TMCC2: variants seen among roughly 807,000 people sequenced by gnomAD.
TMCC2 encodes transmembrane and coiled-coil domains protein 2.
A neutral mutation model predicts 49.4 loss-of-function variants in TMCC2; 16 were observed. The observed-to-expected ratio is 0.32, with a 90% CI of 0.22 to 0.49. TMCC2 has a LOEUF of 0.49. Among genes scored for constraint, TMCC2 ranks in the 20% least tolerant of loss-of-function variants. TMCC2 has a pLI of 0.99. For missense variants in TMCC2, 762 were observed against 989.8 expected, an observed-to-expected ratio of 0.77 and a Z score of 3.09; for synonymous variants, 397 against 434.1, an observed-to-expected ratio of 0.91 and a Z score of 1.06.
intron 2 of TMCC2, among the ~76,000 whole-genome samples, chr1:205,260,099 C>T (rs755802524): frequency 2.0e-5 from 3 of 152,184 alleles, no homozygotes; most frequent in Non-Finnish European, 2.9e-5. Flanking sequence ...TCTCCCTCCA[C>T]GGTTCTCCTC....
At chr1:205,270,208 C>T (rs1400542792) in intron 3 of TMCC2, among the ~76,000 whole-genome samples, 1 of 152,036 alleles carries the variant, frequency 6.6e-6, no homozygotes, top group Non-Finnish European at 1.5e-5. Flanking sequence ...CACTACACCC[C>T]GCTAATTTTT....
At chr1:205,228,967 T>G (rs1659673268) in intron 1 of TMCC2, 196 bp downstream of exon 1, 1 of 1,402,102 alleles carries the variant, frequency 7.1e-7, no homozygotes, top group African/African-American at 1.4e-5. Flanking sequence ...CCGTGTCAGG[T>G]CTCTGTGTTT....
chr1:205,245,121 G>A (rs1558647362), intron 2 of TMCC2, among the ~76,000 whole-genome samples: 1 of 152,150 alleles, frequency 6.6e-6, no homozygotes, highest in Non-Finnish European at 1.5e-5. Context: ...ACTGGAGGGT[G>A]GGGGAGAAGA....
chr1:205,257,329 C>G, intron 2 of TMCC2: 1 of 1,232,232 alleles, frequency 8.1e-7, no homozygotes, highest in Non-Finnish European at 1.0e-6. Flanking sequence ...CCGGGTACCT[C>G]ATCGCCGGCA....
chr1:205,243,420 A>T (rs1444356584), intron 2 of TMCC2, among the ~76,000 whole-genome samples: 2 of 152,074 alleles, frequency 1.3e-5, no homozygotes, highest in East Asian at 3.8e-4. Flanking sequence ...AAATCAGTAG[A>T]TTGGGAAGGG....
At chr1:205,262,424 A>G (rs1661155126) in intron 2 of TMCC2, among the ~76,000 whole-genome samples, 1 of 151,920 alleles carries the variant, frequency 6.6e-6, no homozygotes, top group Non-Finnish European at 1.5e-5. Context: ...ATTCCTGGGG[A>G]TTTCCCAGCC....
intron 2 of TMCC2, among the ~76,000 whole-genome samples, chr1:205,259,736 C>T (rs1223114056): frequency 6.6e-6 from 1 of 152,212 alleles, no homozygotes; most frequent in East Asian, 1.9e-4. Flanking sequence ...GGAGCCAGGG[C>T]TGGGAAGCCC....
At chr1:205,228,802 A>G (rs1201823909) in intron 1 of TMCC2, 31 bp downstream of exon 1, 1 of 1,558,632 alleles carries the variant, frequency 6.4e-7, no homozygotes, top group Admixed American at 1.9e-5. Flanking sequence ...CGGCAAGCCC[A>G]GCCCGCGACT....
chr1:205,250,579 G>A (rs1477611316), intron 2 of TMCC2, among the ~76,000 whole-genome samples: 1 of 152,156 alleles, frequency 6.6e-6, no homozygotes, highest in East Asian at 1.9e-4. Context: ...GTATTCTCCA[G>A]ATTAGCTCTG....
rs1377449622 is a variant in TMCC2 at position 205,269,385 on chromosome 1, A to G, written c.1183A>G (p.Ile395Val). The change falls in exon 3 of 5, where the codon ATC becomes GTC. Residue 395 changes from isoleucine to valine, a missense_variant. This residue lies in a region of TMCC2 where 440 missense variants were observed against 636.7 expected (regional missense o/e 0.69). Transcript: ENST00000358024. ...CGTGGGCGCCAACGTGCGCGCAGGC[A>G]TCAGCGGCTTTGGGGGCGGCGTGGT... ...KDVGANVRAG[I>V]SGFGGGVVEG... 2 of 1,609,480 alleles carry G rather than the reference A, an allele frequency of 1.2e-6. No individual in the cohort carries two copies. The highest frequency in any genetic ancestry group is 3.3e-5 in the Admixed American group (2 of 59,906).
At chr1:205,229,700 C>G (rs1659716176) in intron 1 of TMCC2, 1 of 985,496 alleles carries the variant, frequency 1.0e-6, no homozygotes, top group South Asian at 4.7e-5. Context: ...AGTGCTTGGG[C>G]TGGTTTGGGG....
At chr1:205,260,390 G>A (rs1661057301) in intron 2 of TMCC2, among the ~76,000 whole-genome samples, 2 of 152,224 alleles carry the variant, frequency 1.3e-5, no homozygotes, top group Non-Finnish European at 2.9e-5. Flanking sequence ...GCTACTGACT[G>A]GGAGTTGAGT....
At chr1:205,235,897 G>A (rs547910095) in intron 1 of TMCC2, among the ~76,000 whole-genome samples, 9 of 151,998 alleles carry the variant, frequency 5.9e-5, no homozygotes, top group South Asian at 4.2e-4. Flanking sequence ...GTGAAACCCC[G>A]TCTCTACTAA....
chr1:205,228,631 G>A lies in TMCC2; in HGVS notation c.67G>A (p.Asp23Asn). 6.2e-7 allele frequency: 1 copy of A among 1,613,348 alleles called. No homozygotes were observed. Among genetic ancestry groups the A allele is most frequent in the African/African-American group, 1.3e-5 (1 of 75,034 alleles). ...CGAGGAGGATGGAGCTGGGCTGGAA[G>A]ATGCCGCTTCCCACCTGCCGGGCGC... is the stretch of plus-strand genomic sequence containing the variant. ...QGEEDGAGLE[D>N]AASHLPGADL... The change falls in exon 1 of 5, where the codon GAT becomes AAT. Residue 23 changes from aspartate to asparagine, a missense_variant. Asp to Asn is a conservative substitution (Grantham distance 23, BLOSUM62 1). Coordinates refer to ENST00000358024, the MANE Select transcript of TMCC2 (RefSeq NM_014858.4).
Position 205,272,510 on chromosome 1 carries a change from C to A in TMCC2, c.*386C>A. 1 of 221,252 alleles carries A rather than the reference C, an allele frequency of 4.5e-6. No homozygotes were observed. Among genetic ancestry groups the A allele is most frequent in the Non-Finnish European group, 9.0e-6 (1 of 111,180 alleles). The allele number at this position is 221,252 out of a possible 1,614,324, so 13.7% of individuals were successfully genotyped here. A position where few individuals can be genotyped will look rare whatever the true frequency, so the allele number is the denominator to read the frequency against. On this transcript the variant is annotated 3_prime_UTR_variant, in exon 5 of 5. Transcript: ENST00000358024. ...CTCAACTTTCCTAGGAAAGAGCCCACCTCGGAGATAGCTACGGTTTTCTCT... is the reference window on the plus strand; with the variant it reads ...CTCAACTTTCCTAGGAAAGAGCCCAACTCGGAGATAGCTACGGTTTTCTCT...
chr1:205,231,839 G>A (rs911661248), intron 1 of TMCC2, among the ~76,000 whole-genome samples: 1 of 152,128 alleles, frequency 6.6e-6, no homozygotes, highest in African/African-American at 2.4e-5. Context: ...TTGGAGATGA[G>A]AACTTTTGGT....
At chr1:205,260,115 G>GTGT (rs1223428080) in intron 2 of TMCC2, among the ~76,000 whole-genome samples, 4 of 152,208 alleles carry the variant, frequency 2.6e-5, no homozygotes, top group African/African-American at 9.6e-5. Context: ...TCCTCTTAGA[G>GTGT]CTTGCCCAGC....
chr1:205,261,980 T>C (rs1289178600), intron 2 of TMCC2, among the ~76,000 whole-genome samples: 2 of 152,192 alleles, frequency 1.3e-5, no homozygotes, highest in East Asian at 3.9e-4. Flanking sequence ...TTCTCATCTT[T>C]TTCTTCTTGT....
At chr1:205,268,901 T>C in intron 2 of TMCC2, 49 bp from the exon 3 acceptor site, 2 of 1,583,128 alleles carry the variant, frequency 1.3e-6, no homozygotes, top group Non-Finnish European at 1.7e-6. Context: ...GGGGCACTCC[T>C]ATGGTCCCAG....
Sources: gnomAD v4.1 joint callset for allele counts (sites outside exome capture counted in the v4.1 genomes callset) on GRCh38, gnomAD v4.1.1 for gene constraint, gnomAD v4.1.1 regional missense constraint, MANE v1.5 for transcripts, NCBI Gene and HGNC (gene_info 2026-07-23, HGNC 2026-07-21) for gene names.